MTCL1: variants seen among roughly 807,000 people sequenced by gnomAD.
The protein encoded by MTCL1 is microtubule cross-linking factor 1.
Under a neutral mutation model 141.4 loss-of-function variants are expected in MTCL1, and 79 were observed. That is an observed-to-expected ratio of 0.56 (90% confidence interval 0.47 to 0.67). MTCL1 has a LOEUF of 0.67. MTCL1 is among the 30% of genes least tolerant of loss of function. MTCL1 has a pLI of 0.00. For missense variants in MTCL1, 2,177 were observed against 2,113.9 expected, an observed-to-expected ratio of 1.03 and a Z score of -0.59; for synonymous variants, 914 against 875.8, an observed-to-expected ratio of 1.04 and a Z score of -0.77.
chr18:8,777,126 C>T (rs1489771675), intron 4 of MTCL1, among the ~76,000 whole-genome samples: 1 of 152,098 alleles, frequency 6.6e-6, no homozygotes, highest in Non-Finnish European at 1.5e-5. Flanking sequence ...GTCCCAGCTA[C>T]TTGGGAGGCT....
In MTCL1 at chr18:8,810,641, C is replaced by T. The variant is rs897638945; in HGVS notation, c.2605-2338C>T. On this transcript the variant is annotated intron_variant, in intron 11 of 16. Transcript: ENST00000359865. This position sits in a 1 kb window ranked among gnomAD's most constrained non-coding sequence, Gnocchi z 5.0. ...GCAGCCTGTCTTTCATTCTGGGTTA[C>T]GTGGACTTCCAGCAGCTCTTTTAAA... 9.2e-5 allele frequency among the ~76,000 whole-genome samples: 14 copies of T among 152,068 alleles called. No homozygotes were observed. The East Asian group carries it at 1.8e-3, about 19-fold the overall frequency.
chr18:8,768,952 G>T (rs555298527), intron 4 of MTCL1, among the ~76,000 whole-genome samples: 67 of 152,026 alleles, frequency 4.4e-4, no homozygotes, highest in African/African-American at 1.4e-3. Context: ...TCAGCACGTG[G>T]GCCCAGCTAA....
rs1019763157 is a variant in MTCL1 at position 8,773,084 on chromosome 18, A to G, written c.358-4749A>G. On this transcript the variant is annotated intron_variant, in intron 4 of 16. Coordinates refer to ENST00000359865, the Ensembl canonical transcript of MTCL1. ...AATAAAATAAAAGGAAAAAATTGTAATACCTCCATAGTACTCACTCACGAT... is the reference window on the plus strand; with the variant it reads ...AATAAAATAAAAGGAAAAAATTGTAGTACCTCCATAGTACTCACTCACGAT... Among the ~76,000 whole-genome samples, 6 of 152,218 alleles carry G rather than the reference A, an allele frequency of 3.9e-5. No homozygotes were observed. The South Asian group carries it at 6.2e-4, about 16-fold the overall frequency.
intron 4 of MTCL1, among the ~76,000 whole-genome samples, chr18:8,758,768 G>A (rs763169084): frequency 2.6e-5 from 4 of 152,288 alleles, no homozygotes; most frequent in African/African-American, 9.6e-5. Flanking sequence ...AGGAGTTTGC[G>A]ATCAGACAAT....
intron 16 of MTCL1, chr18:8,829,181 G>T (rs1396837908): frequency 1.0e-6 from 1 of 985,294 alleles, no homozygotes; most frequent in Non-Finnish European, 1.2e-6. Flanking sequence ...TGCAAAGAAG[G>T]GTTTTTAGGT....
At chr18:8,733,269 T>C (rs2096260453) in intron 4 of MTCL1, among the ~76,000 whole-genome samples, 1 of 152,330 alleles carries the variant, frequency 6.6e-6, no homozygotes, top group East Asian at 1.9e-4. Flanking sequence ...AAGCTTTTTT[T>C]CATAAATGAG....
chr18:8,776,385 C>T (rs988742982), intron 4 of MTCL1, among the ~76,000 whole-genome samples: 2 of 152,210 alleles, frequency 1.3e-5, no homozygotes, highest in African/African-American at 4.8e-5. Flanking sequence ...TTCACACTTT[C>T]CCTTTGCAGG....
At position 8,706,706 on chromosome 18, in the gene MTCL1, ATC is replaced by A; in HGVS notation, c.1049_1050del (p.Leu350GlnfsTer3). 1 of 1,545,544 alleles carries A rather than the reference ATC, an allele frequency of 6.5e-7. No individual in the cohort carries two copies. The highest frequency in any genetic ancestry group is 8.7e-7 in the Non-Finnish European group (1 of 1,146,098). Reference sequence around the variant, plus strand: ...GAGGAGCTGCGCTCGGAGAACGACTATCTCAAGGTGAGCCGCGCCTCGGCCGC... The same window carrying A: ...GAGGAGCTGCGCTCGGAGAACGACTATCAAGGTGAGCCGCGCCTCGGCCGC... On this transcript the variant is annotated frameshift_variant, in exon 1 of 14. Coordinates refer to the MTCL1 transcript ENST00000306329. LOFTEE classifies it high-confidence loss of function.
At chr18:8,752,112 G>A (rs999785089) in intron 4 of MTCL1, among the ~76,000 whole-genome samples, 2 of 152,346 alleles carry the variant, frequency 1.3e-5, no homozygotes, top group South Asian at 2.1e-4. Context: ...TTGACTCTAG[G>A]ACATCCCGAT....
In MTCL1 at chr18:8,780,668, A is replaced by G. The variant is rs182804295; in HGVS notation, c.417+2776A>G. On this transcript the variant is annotated intron_variant, in intron 5 of 16. Transcript: ENST00000359865. ...GTTTACAATCCATTTCCATTGATAGATATTTTAGCTTAAACTCCATTCCTT... is the reference window on the plus strand; with the variant it reads ...GTTTACAATCCATTTCCATTGATAGGTATTTTAGCTTAAACTCCATTCCTT... 2.5e-3 allele frequency among the ~76,000 whole-genome samples: 379 copies of G among 152,318 alleles called. 1 individual carries two copies. Among genetic ancestry groups the G allele is most frequent in the Non-Finnish European group, 3.8e-3 (260 of 68,036 alleles).
At chr18:8,777,797 C>CCCT (rs2096517296) in intron 4 of MTCL1, 36 bp from the exon 4 acceptor site, 3 of 1,603,500 alleles carry the variant, frequency 1.9e-6, no homozygotes, top group Non-Finnish European at 2.6e-6. Context: ...CACGTGTGAG[C>CCCT]CCTTGGTCAC....
intron 4 of MTCL1, among the ~76,000 whole-genome samples, chr18:8,762,284 T>C (rs952768048): frequency 6.6e-6 from 1 of 152,194 alleles, no homozygotes; most frequent in Non-Finnish European, 1.5e-5. Context: ...GCACCAGGCA[T>C]GTTGCTGTGC....
chr18:8,752,101 T>G (rs1021974922), intron 4 of MTCL1, among the ~76,000 whole-genome samples: 1 of 152,172 alleles, frequency 6.6e-6, no homozygotes, highest in African/African-American at 2.4e-5. Context: ...ACCCCAGAGC[T>G]TTGACTCTAG....
chr18:8,762,400 G>A (rs1349310510), intron 4 of MTCL1, among the ~76,000 whole-genome samples: 3 of 152,198 alleles, frequency 2.0e-5, no homozygotes, highest in Admixed American at 1.3e-4. Context: ...TTTAAACTAG[G>A]GTAGCTGCCG....
At chr18:8,766,796 C>G (rs2096461911) in intron 4 of MTCL1, among the ~76,000 whole-genome samples, 1 of 152,164 alleles carries the variant, frequency 6.6e-6, no homozygotes, top group Non-Finnish European at 1.5e-5. Flanking sequence ...GCTGGGACTT[C>G]CCTCCCTCTG....
At chr18:8,714,772 T>C (rs1389654119), upstream of MTCL1, among the ~76,000 whole-genome samples, 1 of 151,974 alleles carries the variant, frequency 6.6e-6, no homozygotes, top group East Asian at 1.9e-4. Context: ...AGCCAAACCA[T>C]ATCATATGAT....
At chr18:8,775,095 T>C (rs1012251549) in intron 4 of MTCL1, among the ~76,000 whole-genome samples, 3 of 152,186 alleles carry the variant, frequency 2.0e-5, no homozygotes, top group Admixed American at 2.0e-4. Context: ...TTCATTTTAC[T>C]TCATTTAGTT....
rs1346477572 is a variant in MTCL1, at chr18:8,830,061, T to TACACAAC, written c.*18+1103_*18+1109dup. The TACACAAC allele has an allele frequency of 4.1e-6, 4 of 985,122 alleles. No individual in the cohort carries two copies. The East Asian group carries it at 4.5e-4, about 112-fold the overall frequency. 61.0% of individuals were successfully genotyped at this position (985,122 alleles called of 1,614,324 possible). A position where few individuals can be genotyped will look rare whatever the true frequency, so the allele number is the denominator to read the frequency against. On this transcript the variant is annotated intron_variant, in intron 16 of 16. Transcript: ENST00000359865. This position sits in a 1 kb window ranked among gnomAD's most constrained non-coding sequence, Gnocchi z 6.4. ...CAACACACACAGAACAGATACACAA[T>TACACAAC]ACACAACACACACACTACTTCTATA... is the stretch of plus-strand genomic sequence containing the variant.
At chr18:8,780,612 T>G (rs532862722) in intron 5 of MTCL1, among the ~76,000 whole-genome samples, 5 of 152,354 alleles carry the variant, frequency 3.3e-5, no homozygotes, top group African/African-American at 9.6e-5. Context: ...CTGAGGGCAC[T>G]CCCCTGTTTT....
Sources: gnomAD v4.1 joint callset for allele counts (sites outside exome capture counted in the v4.1 genomes callset) on GRCh38, gnomAD v4.1.1 for gene constraint, Gnocchi (gnomAD v3.1) non-coding constraint, MANE v1.5 for transcripts, NCBI Gene and HGNC (gene_info 2026-07-23, HGNC 2026-07-21) for gene names.